The following SDK1 variants were observed in gnomAD, a reference collection of about 807,000 sequenced individuals.
SDK1 encodes the protein sidekick cell adhesion molecule 1.
In SDK1, 157 loss-of-function variants were observed where a neutral mutation model predicts 245.5. The observed-to-expected ratio is 0.64, with a 90% CI of 0.56 to 0.73. The LOEUF (loss-of-function observed/expected upper bound fraction) is 0.73, where lower values mean the gene tolerates loss of function less well. Among genes scored for constraint, SDK1 ranks in the 30% least tolerant of loss-of-function variants. SDK1 has a pLI of 0.00. For missense variants in SDK1, 3,583 were observed against 3,002.3 expected (o/e 1.19, Z -4.52); for synonymous variants, 1,647 against 1,278.5 (o/e 1.29, Z -6.15).
chr7:3,549,791 C>G (rs1036189120), intron 1 of SDK1, among the ~76,000 whole-genome samples: 1 of 152,116 alleles, frequency 6.6e-6, no homozygotes, highest in Non-Finnish European at 1.5e-5. Flanking sequence ...CCATTTCCTT[C>G]TGCTTGTTGC....
chr7:3,499,019 T>A (rs7779391), intron 1 of SDK1, among the ~76,000 whole-genome samples: 34,250 of 152,172 alleles, frequency 0.23, 4,234 homozygotes, highest in South Asian at 0.37. Flanking sequence ...AATTAAAATT[T>A]TGTTTTATAC....
chr7:3,919,083 A>G (rs929498334), intron 5 of SDK1, among the ~76,000 whole-genome samples: 1 of 152,226 alleles, frequency 6.6e-6, no homozygotes, highest in African/African-American at 2.4e-5. Context: ...TAATATAATT[A>G]CTATTATTAA....
chr7:4,014,760 T>C (rs1260336998), intron 16 of SDK1, among the ~76,000 whole-genome samples: 1 of 152,198 alleles, frequency 6.6e-6, no homozygotes, highest in African/African-American at 2.4e-5. Flanking sequence ...TTGTTCTGGC[T>C]GAGATGGTCT....
At chr7:3,404,709 T>C (rs1348006728) in intron 1 of SDK1, among the ~76,000 whole-genome samples, 2 of 152,200 alleles carry the variant, frequency 1.3e-5, no homozygotes, top group Non-Finnish European at 2.9e-5. Context: ...ACTGCAGCCT[T>C]GGTAAATGGT....
chr7:3,829,497 A>G (rs983484898), intron 5 of SDK1, among the ~76,000 whole-genome samples: 15 of 152,228 alleles, frequency 9.9e-5, no homozygotes, highest in Admixed American at 9.8e-4. Flanking sequence ...AAGAGGTTAA[A>G]TTATTGACCC....
chr7:3,951,175 A>T, intron 6 of SDK1, 141 bp downstream of exon 6: 2 of 642,752 alleles, frequency 3.1e-6, no homozygotes, highest in Non-Finnish European at 5.6e-6. Flanking sequence ...CATGAATACG[A>T]GATATGGGTA....
intron 35 of SDK1, among the ~76,000 whole-genome samples, chr7:4,184,488 T>C (rs998749003): frequency 2.0e-5 from 3 of 152,084 alleles, no homozygotes; most frequent in African/African-American, 7.2e-5. Flanking sequence ...TGGCCCGGGG[T>C]CAGCCCCCAG....
In SDK1 at chr7:3,377,582, G is replaced by C. The variant is rs185032175; in HGVS notation, c.298+75698G>C. ...GCTGCTTTTCATCCCACGACTCCCC[G>C]TCTCTGTGTCTGTTGTAACAGTTCT... On this transcript the variant is annotated intron_variant, in intron 1 of 44. Transcript: ENST00000404826. 3.3e-3 allele frequency among the ~76,000 whole-genome samples: 502 copies of C among 152,028 alleles called. 3 individuals carry two copies. Among genetic ancestry groups the C allele is most frequent in the African/African-American group, 0.011 (473 of 41,448 alleles).
intron 1 of SDK1, among the ~76,000 whole-genome samples, chr7:3,520,245 A>G (rs1201913534): frequency 2.0e-5 from 3 of 152,158 alleles, no homozygotes; most frequent in African/African-American, 7.2e-5. Context: ...ACAGGTTCAT[A>G]GTTTCACCCT....
At chr7:3,678,577 G>A (rs754507335) in intron 4 of SDK1, among the ~76,000 whole-genome samples, 4 of 152,156 alleles carry the variant, frequency 2.6e-5, no homozygotes, top group Admixed American at 6.5e-5. Flanking sequence ...TCTAGAATAC[G>A]CAAATTCATA....
At position 3,840,783 on chromosome 7, in the gene SDK1, C is replaced by T. The variant is rs546351824; in HGVS notation, c.847+19200C>T. ...AGTATGATCCGAGAATCGCGAGCCTCGCCTGACTTGGATTCACATTAGACA... is the reference window on the plus strand; with the variant it reads ...AGTATGATCCGAGAATCGCGAGCCTTGCCTGACTTGGATTCACATTAGACA... On this transcript the variant is annotated intron_variant, in intron 5 of 44. Transcript: ENST00000404826. Among the ~76,000 whole-genome samples, 7 of 152,278 alleles carry T rather than the reference C, an allele frequency of 4.6e-5. No individual in the cohort carries two copies. The East Asian group carries it at 9.7e-4, about 21-fold the overall frequency.
chr7:4,036,115 T>C (rs1396633464), intron 17 of SDK1, among the ~76,000 whole-genome samples: 1 of 152,240 alleles, frequency 6.6e-6, no homozygotes, highest in East Asian at 1.9e-4. Flanking sequence ...CCTCTTCAAA[T>C]ATTTGAAAGC....
intron 5 of SDK1, among the ~76,000 whole-genome samples, chr7:3,860,868 C>G (rs1464050137): frequency 2.6e-5 from 4 of 152,102 alleles, no homozygotes; most frequent in African/African-American, 4.8e-5. Flanking sequence ...GAATTGCTGA[C>G]CAAAAAAACT....
chr7:4,217,755 C>T (rs1784917553), intron 38 of SDK1, among the ~76,000 whole-genome samples: 1 of 152,078 alleles, frequency 6.6e-6, no homozygotes, highest in Admixed American at 6.6e-5. Flanking sequence ...GGATTGTACC[C>T]TGAGGCTTTG....
At chr7:3,482,833 A>G (rs1224691882) in intron 1 of SDK1, among the ~76,000 whole-genome samples, 1 of 152,242 alleles carries the variant, frequency 6.6e-6, no homozygotes, top group Non-Finnish European at 1.5e-5. Context: ...CTCACAGGAC[A>G]TAAAATGTAC....
chr7:4,208,192 A>G lies in SDK1; in HGVS notation c.5308A>G (p.Ser1770Gly). 1 of 1,614,132 alleles carries G rather than the reference A, an allele frequency of 6.2e-7. No individual in the cohort carries two copies. The highest frequency in any genetic ancestry group is 8.5e-7 in the Non-Finnish European group (1 of 1,179,998). ...EPVVRLKNLTSHTKYLVSISA... is the reference protein window; with the variant it reads ...EPVVRLKNLTGHTKYLVSISA... ...CGTGGTGAGGCTGAAGAACCTGACC[A>G]GCCATACCAAGTACCTGGTCAGCAT... Residue 1770 changes from serine (S) to glycine (G), a missense_variant, in exon 37 of 45, where the codon AGC (serine) becomes GGC (glycine). Coordinates refer to ENST00000404826, the MANE Select transcript of SDK1 (RefSeq NM_152744.4).
At chr7:3,737,691 C>T (rs1779357228) in intron 4 of SDK1, among the ~76,000 whole-genome samples, 2 of 152,208 alleles carry the variant, frequency 1.3e-5, no homozygotes, top group Admixed American at 6.5e-5. Flanking sequence ...TTCTTTGTTC[C>T]TAGCCAACCC....
intron 4 of SDK1, among the ~76,000 whole-genome samples, chr7:3,785,239 T>A (rs1780863433): frequency 1.3e-5 from 2 of 152,092 alleles, no homozygotes; most frequent in African/African-American, 4.8e-5. Flanking sequence ...AGTTAAAAGA[T>A]CTCAGGCAAG....
chr7:4,181,084 C>A (rs1447861193), intron 35 of SDK1, among the ~76,000 whole-genome samples: 1 of 152,214 alleles, frequency 6.6e-6, no homozygotes, highest in African/African-American at 2.4e-5. Flanking sequence ...AATCCCATAC[C>A]TATGAAGCAG....
Sources: gnomAD v4.1 joint callset for allele counts (sites outside exome capture counted in the v4.1 genomes callset) on GRCh38, gnomAD v4.1.1 for gene constraint, MANE v1.5 for transcripts, NCBI Gene and HGNC (gene_info 2026-07-23, HGNC 2026-07-21) for gene names.